The following AGBL3 variants were observed in gnomAD, a reference collection of about 807,000 sequenced individuals.
AGBL3 encodes the protein AGBL carboxypeptidase 3.
In AGBL3, 68 loss-of-function variants were observed where a neutral mutation model predicts 94.5. The ratio of observed to expected loss-of-function variants is 0.72; its 90% CI spans 0.59 to 0.88. The LOEUF is 0.88. AGBL3 is among the 40% of genes least tolerant of loss of function. AGBL3 has a pLI of 0.00. For synonymous variants in AGBL3, 354 were observed against 370.7 expected, an observed-to-expected ratio of 0.95 and a Z score of 0.52; for missense variants, 934 against 1,103.8, an observed-to-expected ratio of 0.85 and a Z score of 2.18.
rs1826473812 is a variant in AGBL3 at position 135,117,395 on chromosome 7, G to A, written c.2342+1784G>A. On this transcript the variant is annotated intron_variant, in intron 16 of 16. Coordinates refer to ENST00000436302, the MANE Select transcript of AGBL3 (RefSeq NM_178563.4). The stretch of plus-strand genomic sequence containing the variant: ...TTCAGCCCTATGATTACATTCAGAT[G>A]TAACGTCATGTTCAACATGATAATT... Among the ~76,000 whole-genome samples, 8 of 152,272 alleles carry A rather than the reference G, an allele frequency of 5.3e-5. 1 individual carries two copies. The South Asian group carries it at 1.7e-3, about 32-fold the overall frequency.
chr7:135,040,423 A>G (rs1171709682), intron 8 of AGBL3, among the ~76,000 whole-genome samples: 6 of 152,200 alleles, frequency 3.9e-5, no homozygotes, highest in African/African-American at 1.4e-4. Flanking sequence ...GTAATAGACC[A>G]TGACCAGATG....
rs575041779 is a variant in AGBL3, at chr7:135,117,488, T to C, written c.2342+1877T>C. On this transcript the variant is annotated intron_variant, in intron 16 of 16. Coordinates refer to ENST00000436302, the MANE Select transcript of AGBL3 (RefSeq NM_178563.4). The stretch of plus-strand genomic sequence containing the variant: ...TAAATTAGACCAATGTCTAAAATGG[T>C]TTAGCAAAGTGTGATCTTCTCATTC... 3.3e-5 allele frequency among the ~76,000 whole-genome samples: 5 copies of C among 152,368 alleles called. No individual in the cohort carries two copies. The East Asian group carries it at 9.6e-4, about 29-fold the overall frequency.
chr7:135,093,057 CA>C (rs1038061594), intron 15 of AGBL3: 2 of 150,684 alleles, frequency 1.3e-5, no homozygotes, highest in Admixed American at 6.6e-5. Flanking sequence ...AAGCCATCTT[CA>C]AAAATCCTGC....
intron 13 of AGBL3, among the ~76,000 whole-genome samples, chr7:135,079,619 C>T (rs1820750907): frequency 8.0e-6 from 1 of 125,174 alleles, no homozygotes; most frequent in African/African-American, 3.1e-5. Context: ...GTGACTGCCA[C>T]CACTCCCCAC....
intron 16 of AGBL3, among the ~76,000 whole-genome samples, chr7:135,132,436 C>T (rs1015240149): frequency 2.6e-5 from 4 of 152,102 alleles, no homozygotes; most frequent in Admixed American, 2.6e-4. Context: ...TTAATTGGCA[C>T]AGAAATTGGT....
chr7:135,050,666 T>C (rs1242871761), intron 11 of AGBL3, among the ~76,000 whole-genome samples: 1 of 152,014 alleles, frequency 6.6e-6, no homozygotes, highest in Non-Finnish European at 1.5e-5. Flanking sequence ...ACATAATATC[T>C]TTCTTTGTCT....
At chr7:135,037,827 T>G (rs1816460897) in intron 8 of AGBL3, among the ~76,000 whole-genome samples, 2 of 152,174 alleles carry the variant, frequency 1.3e-5, no homozygotes, top group African/African-American at 4.8e-5. Context: ...CTTTTACCTT[T>G]TGAAAGCTTC....
At chr7:135,073,507 T>C (rs1820154115) in intron 12 of AGBL3, among the ~76,000 whole-genome samples, 1 of 111,018 alleles carries the variant, frequency 9.0e-6, no homozygotes, top group East Asian at 2.9e-4. Context: ...AATAAATAAA[T>C]AAATAAACCT....
At chr7:135,073,447 C>T (rs1024677488) in intron 12 of AGBL3, among the ~76,000 whole-genome samples, 8 of 151,304 alleles carry the variant, frequency 5.3e-5, no homozygotes, top group African/African-American at 1.2e-4. Context: ...CTCCAGCCCA[C>T]GTGACAGTGC....
At chr7:135,119,868 C>T (rs1826897571) in intron 16 of AGBL3, among the ~76,000 whole-genome samples, 1 of 152,022 alleles carries the variant, frequency 6.6e-6, no homozygotes. Flanking sequence ...CAGAGCGAGA[C>T]TCCGTCTCAA....
At position 134,993,574 on chromosome 7, in the gene AGBL3, T is replaced by G; in HGVS notation, c.206T>G (p.Leu69Arg). ...EYQLGRWVPR[L>R]REPRDLYGVS... is the part of the protein sequence containing the mutation. ...CAGCTAGGGAGATGGGTGCCACGTC[T>G]TCGTGAACCAAGGGATTTATATGGT... The change falls in exon 4 of 17, where the codon CTT (leucine) becomes CGT (arginine). Residue 69 changes from leucine to arginine, a missense_variant. Physicochemically the swap from Leu to Arg is moderately radical, Grantham distance 102. Transcript: ENST00000436302. 1 of 1,551,966 alleles carries G rather than the reference T, an allele frequency of 6.4e-7. No individual in the cohort carries two copies. The highest frequency in any genetic ancestry group is 1.2e-5 in the South Asian group (1 of 84,062).
At chr7:135,095,963 C>T (rs1585080064) in intron 15 of AGBL3, among the ~76,000 whole-genome samples, 1 of 152,098 alleles carries the variant, frequency 6.6e-6, no homozygotes, top group South Asian at 2.1e-4. Context: ...ATCAGCCTGG[C>T]CAACATGGTG....
At chr7:135,099,634 A>T (rs559753819) in intron 15 of AGBL3, among the ~76,000 whole-genome samples, 1 of 152,194 alleles carries the variant, frequency 6.6e-6, no homozygotes, top group African/African-American at 2.4e-5. Context: ...CCTCTGTCTT[A>T]TAAGATTTTG....
At chr7:135,097,318 C>T (rs1823054424) in intron 15 of AGBL3, among the ~76,000 whole-genome samples, 1 of 152,222 alleles carries the variant, frequency 6.6e-6, no homozygotes. Context: ...AAGTGATACA[C>T]TGAATCATGG....
At chr7:135,009,612 T>C (rs1210689154) in intron 4 of AGBL3, among the ~76,000 whole-genome samples, 3 of 152,086 alleles carry the variant, frequency 2.0e-5, no homozygotes, top group Non-Finnish European at 4.4e-5. Flanking sequence ...CTGGGTGGAG[T>C]TTGGCAGAGG....
At chr7:135,064,573 G>C (rs977845082) in intron 12 of AGBL3, among the ~76,000 whole-genome samples, 3 of 152,176 alleles carry the variant, frequency 2.0e-5, no homozygotes, top group African/African-American at 7.2e-5. Context: ...TAGAGGGAAT[G>C]AGAAGTGATT....
rs187297306 is a variant in AGBL3, at chr7:135,051,598, T to G, written c.1841+5687T>G. Among the ~76,000 whole-genome samples the G allele has an allele frequency of 3.3e-3, 509 of 152,138 alleles. 3 individuals are homozygous for G. Among genetic ancestry groups the G allele is most frequent in the Middle Eastern group, 0.014 (4 of 294 alleles). ...ATGATAGTTATTATTGCGTCTAGGT[T>G]TTTTTTTCCAGGGGATTGAGTTAGG... On this transcript the variant is annotated intron_variant, in intron 11 of 16. Transcript: ENST00000436302.
chr7:135,082,009 C>G (rs1025650085), intron 15 of AGBL3, among the ~76,000 whole-genome samples: 3 of 152,148 alleles, frequency 2.0e-5, no homozygotes, highest in Non-Finnish European at 2.9e-5. Flanking sequence ...AGAGAGAAAC[C>G]TTGAGAATGC....
chr7:135,128,756 A>G (rs1214780128), intron 16 of AGBL3: 3 of 1,356,120 alleles, frequency 2.2e-6, no homozygotes, highest in African/African-American at 2.9e-5. Context: ...GCCTCTCCCA[A>G]CACAGAGCTA....
Sources: allele counts gnomAD v4.1 joint callset (sites outside exome capture counted in the v4.1 genomes callset), GRCh38; gene constraint gnomAD v4.1.1; transcripts MANE v1.5; gene names NCBI Gene and HGNC (gene_info 2026-07-23, HGNC 2026-07-21).